The following CEP72 variants were observed in gnomAD, a reference collection of about 807,000 sequenced individuals.
CEP72 encodes centrosomal protein 72, also known as centrosomal protein of 72 kDa.
Under a neutral mutation model 65.7 loss-of-function variants are expected in CEP72, and 78 were observed. That is an observed-to-expected ratio of 1.19 (90% CI 0.99 to 1.43). The LOEUF is 1.43. Among genes scored for constraint, CEP72 ranks in the 40% most tolerant of loss-of-function variants. The pLI is 0.00. For synonymous variants in CEP72, 358 were observed against 351.7 expected, an observed-to-expected ratio of 1.02 and a Z score of -0.20; for missense variants, 914 against 832.9, an observed-to-expected ratio of 1.10 and a Z score of -1.20.
chr5:622,576 G>A lies in CEP72; in HGVS notation c.404-1895G>A, dbSNP rs570569037. On this transcript the variant is annotated intron_variant, in intron 3 of 11. Coordinates refer to ENST00000264935, the MANE Select transcript of CEP72 (RefSeq NM_018140.4). The stretch of plus-strand genomic sequence containing the variant: ...AAGTGCTGGGCCCTGGACAGGCCCT[G>A]CGGCTGGGCTTCCAGAGCCTGAGCA... Among the ~76,000 whole-genome samples the A allele has an allele frequency of 2.0e-5, 3 of 152,390 alleles. No individual in the cohort carries two copies. The South Asian group carries it at 6.2e-4, about 32-fold the overall frequency.
At chr5:617,408 G>A (rs2126729794) in intron 1 of CEP72, among the ~76,000 whole-genome samples, 1 of 152,304 alleles carries the variant, frequency 6.6e-6, no homozygotes, top group Non-Finnish European at 1.5e-5. Context: ...GGGTGTGGTG[G>A]CTCATGCCTG....
rs143569794 is a variant in CEP72, at chr5:635,546, G to A, written c.866G>A (p.Arg289His). ...TACGGAGCGGAGCCAGAGGCCTCCCGTGCCCCCAGGCCACACACGTACTTC... is the reference window on the plus strand; with the variant it reads ...TACGGAGCGGAGCCAGAGGCCTCCCATGCCCCCAGGCCACACACGTACTTC... ...PLYGAEPEASRAPRPHTYFTP... is the reference protein window; with the variant it reads ...PLYGAEPEASHAPRPHTYFTP... Residue 289 changes from arginine (R) to histidine (H), a missense_variant, in exon 6 of 12, where the codon CGT becomes CAT. Arg to His is a conservative substitution (Grantham distance 29). Transcript: ENST00000264935. 2.2e-5 allele frequency: 35 copies of A among 1,613,786 alleles called. No individual in the cohort carries two copies. The highest frequency in any genetic ancestry group is 1.7e-4 in the Middle Eastern group (1 of 6,018).
rs749893759 is a variant in CEP72 at position 653,041 on chromosome 5, C to T, written c.1832C>T (p.Ala611Val). 6 of 1,613,724 alleles carry T rather than the reference C, an allele frequency of 3.7e-6. No homozygotes were observed. Among genetic ancestry groups the T allele is most frequent in the East Asian group, 2.2e-5 (1 of 44,864 alleles). ...HLLQELSQVRAQHRAEVEQMH... is the reference protein window; with the variant it reads ...HLLQELSQVRVQHRAEVEQMH... ...CTGCAGGAGCTGAGCCAGGTGCGGG[C>T]GCAGCACAGAGCCGAGGTGGAGCAG... Residue 611 changes from alanine to valine, a missense_variant, in exon 12 of 12, where the codon GCG becomes GTG. Transcript: ENST00000264935.
At chr5:640,211 C>T (rs972350452) in intron 8 of CEP72, among the ~76,000 whole-genome samples, 197 bp from the exon 9 acceptor site, 4 of 152,218 alleles carry the variant, frequency 2.6e-5, no homozygotes, top group Non-Finnish European at 5.9e-5. Flanking sequence ...TCTTCTCTTT[C>T]TTCAGTTCCC....
In CEP72 at chr5:639,343, C is replaced by T. The variant is rs952297324; in HGVS notation, c.1342+119C>T. The T allele has an allele frequency of 1.2e-5, 14 of 1,193,378 alleles. No individual in the cohort carries two copies. The South Asian group carries it at 1.4e-4, about 12-fold the overall frequency. 73.9% of individuals were successfully genotyped at this position (1,193,378 alleles called of 1,614,324 possible). A position where few individuals can be genotyped will look rare whatever the true frequency, so the allele number is the denominator to read the frequency against. On this transcript the variant is annotated intron_variant, in intron 8 of 11. Coordinates refer to ENST00000264935, the MANE Select transcript of CEP72 (RefSeq NM_018140.4). ...CCCAGGTCTCCTATGTCCCCTCCCACGAGCGTGTGGTGGTCCCGCGCCTGG... is the reference window on the plus strand; with the variant it reads ...CCCAGGTCTCCTATGTCCCCTCCCATGAGCGTGTGGTGGTCCCGCGCCTGG...
At chr5:648,511 G>GGACTGTGAGGTGT (rs1442106302) in intron 11 of CEP72, among the ~76,000 whole-genome samples, 5 of 116,426 alleles carry the variant, frequency 4.3e-5, no homozygotes, top group Non-Finnish European at 6.8e-5. Flanking sequence ...TGTGAGGTGT[G>GGACTGTGAGGTGT]GACTGTGAGG....
chr5:642,378 C>A (rs1738111995), intron 9 of CEP72: 1 of 985,330 alleles, frequency 1.0e-6, no homozygotes, highest in East Asian at 1.1e-4. Flanking sequence ...TATATTTAAA[C>A]ACGTGTGGCC....
rs1379654566 is a variant in CEP72, at chr5:623,560, G to C, written c.404-911G>C. On this transcript the variant is annotated intron_variant, in intron 3 of 11. Coordinates refer to ENST00000264935, the MANE Select transcript of CEP72 (RefSeq NM_018140.4). This position sits in a 1 kb window ranked among gnomAD's most constrained non-coding sequence, Gnocchi z 5.3. ...GTCCAGAGAAATGTTCTTGGAGTACGGGATTTGGAACTGACTCAGAAGGGA... is the reference window on the plus strand; with the variant it reads ...GTCCAGAGAAATGTTCTTGGAGTACCGGATTTGGAACTGACTCAGAAGGGA... Among the ~76,000 whole-genome samples the C allele has an allele frequency of 6.6e-6, 1 of 152,152 alleles. No individual in the cohort carries two copies. Among genetic ancestry groups the C allele is most frequent in the Non-Finnish European group, 1.5e-5 (1 of 68,026 alleles).
rs533470146 is a variant in CEP72, at chr5:636,664, T to A, written c.905-853T>A. Among the ~76,000 whole-genome samples, 6 of 151,806 alleles carry A rather than the reference T, an allele frequency of 4.0e-5. No homozygotes were observed. The South Asian group carries it at 1.0e-3, about 26-fold the overall frequency. ...GGTCTCTACTAAATATACAAAAATA[T>A]CTGGGCATGGTGGCGGGCACCTATA... On this transcript the variant is annotated intron_variant, in intron 6 of 11. Transcript: ENST00000264935.
intron 10 of CEP72, 139 bp downstream of exon 10, chr5:644,564 T>TGAGG: frequency 2.0e-6 from 2 of 994,970 alleles, no homozygotes; most frequent in Non-Finnish European, 1.5e-6. Context: ...AGCCCCTGCC[T>TGAGG]CACTGGCTGG....
At chr5:670,411 G>T (rs1740176660), downstream of CEP72, among the ~76,000 whole-genome samples, 1 of 152,164 alleles carries the variant, frequency 6.6e-6, no homozygotes, top group East Asian at 1.9e-4. Flanking sequence ...CTGTGGAGGG[G>T]AATCTCTGGG....
chr5:616,797 T>TAGGG (rs1158958458), intron 1 of CEP72, among the ~76,000 whole-genome samples: 4 of 128,038 alleles, frequency 3.1e-5, no homozygotes, highest in Non-Finnish European at 6.8e-5. Context: ...GGACGAGGGG[T>TAGGG]GTGTGTGTGT....
intron 9 of CEP72, chr5:640,835 C>T (rs1737966633): frequency 4.1e-6 from 4 of 985,482 alleles, no homozygotes; most frequent in Non-Finnish European, 4.8e-6. Context: ...CACCTTCTCT[C>T]CCCGGGCCCA....
In CEP72 at chr5:633,796, C is replaced by G. The variant is rs563453111; in HGVS notation, c.540C>G (p.Thr180=). 17 of 1,614,066 alleles carry G rather than the reference C, an allele frequency of 1.1e-5. No individual in the cohort carries two copies. In the East Asian group the frequency reaches 3.6e-4, roughly 34 times the overall value. ...CACACCACCCCAGAGCCAAGTGCACCGAGGCCTTGGCCAAGCAGAGCCTGG... is the reference window on the plus strand; with the variant it reads ...CACACCACCCCAGAGCCAAGTGCACGGAGGCCTTGGCCAAGCAGAGCCTGG... The part of the protein sequence containing the change: ...GRPHHPRAKC[T]EALAKQSLVM... Residue 180 remains threonine (T), a synonymous_variant, in exon 5 of 12, where the codon ACC becomes ACG. Coordinates refer to ENST00000264935, the MANE Select transcript of CEP72 (RefSeq NM_018140.4).
At position 644,416 on chromosome 5, in the gene CEP72, C is replaced by T; in HGVS notation, c.1657C>T (p.Gln553Ter). 6.2e-7 allele frequency: 1 copy of T among 1,613,684 alleles called. No homozygotes were observed. The highest frequency in any genetic ancestry group is 2.2e-5 in the East Asian group (1 of 44,880). Residue 553 changes from glutamine (Q) to a stop codon, truncating the protein, a stop_gained, in exon 10 of 12, where the codon CAG (glutamine) becomes TAG (stop). Coordinates refer to ENST00000264935, the MANE Select transcript of CEP72 (RefSeq NM_018140.4). LOFTEE classifies it high-confidence loss of function. ...AGACACTGCAGCCACGTTAAATTTG[C>T]AGATCGCTGGTAAGTTGATCGTGTA... is the stretch of plus-strand genomic sequence containing the variant. ...SADTAATLNLQIAGLQTSVKR... is the reference protein window; with the variant it reads ...SADTAATLNL
intron 5 of CEP72, among the ~76,000 whole-genome samples, chr5:634,935 G>A (rs1352899270): frequency 7.9e-5 from 12 of 152,076 alleles, no homozygotes; most frequent in African/African-American, 2.2e-4. Flanking sequence ...TTGCTCTGCC[G>A]CCCAGGCTGG....
exon 4 of CEP72, chr5:665,972 T>A: frequency 1.5e-6 from 2 of 1,295,832 alleles, no homozygotes; most frequent in Non-Finnish European, 2.0e-6. Flanking sequence ...CTGCTCACCG[T>A]CACCCCTGAG....
chr5:663,103 G>C lies in CEP72; in HGVS notation n.131-313G>C, dbSNP rs538701202. On this transcript the variant is annotated intron_variant and non_coding_transcript_variant, in intron 1 of 4. Transcript: ENST00000514507. ...GCTTGTCTGTGATTGGGCGATTCCGGTGGCCGCTCGTCTGTGATCGGGCGA... is the reference window on the plus strand; with the variant it reads ...GCTTGTCTGTGATTGGGCGATTCCGCTGGCCGCTCGTCTGTGATCGGGCGA... 4 of 133,102 alleles carry C rather than the reference G, an allele frequency of 3.0e-5. No homozygotes were observed. In the Admixed American group the frequency reaches 3.0e-4, roughly 10 times the overall value. 8.2% of individuals were successfully genotyped at this position (133,102 alleles called of 1,614,324 possible). A position where few individuals can be genotyped will look rare whatever the true frequency, so the allele number is the denominator to read the frequency against.
downstream of CEP72, among the ~76,000 whole-genome samples, chr5:658,696 T>G (rs1481864648): frequency 8.0e-6 from 1 of 125,318 alleles, no homozygotes; most frequent in African/African-American, 3.1e-5. Flanking sequence ...TGAGATGGAG[T>G]CTCGCTCTAT....
Sources: gnomAD v4.1 joint callset for allele counts (sites outside exome capture counted in the v4.1 genomes callset) on GRCh38, gnomAD v4.1.1 for gene constraint, Gnocchi (gnomAD v3.1) non-coding constraint, MANE v1.5 for transcripts, NCBI Gene and HGNC (gene_info 2026-07-23, HGNC 2026-07-21) for gene names.